RSRC1: variants seen among roughly 807,000 people sequenced by gnomAD.
RSRC1 encodes the protein arginine and serine rich coiled-coil 1.
RSRC1 carries 39 observed loss-of-function variants against 49.1 expected under a neutral mutation model. The ratio of observed to expected loss-of-function variants is 0.79; its 90% CI spans 0.61 to 1.04. The LOEUF (loss-of-function observed/expected upper bound fraction) is 1.04, where lower values mean the gene tolerates loss of function less well. RSRC1 is among the 50% of genes least tolerant of loss of function. The pLI is 0.00. For synonymous variants in RSRC1, 143 were observed against 130.8 expected (o/e 1.09, Z -0.63); for missense variants, 388 against 402.4 (o/e 0.96, Z 0.31).
At chr3:158,231,026 A>C (rs996953043) in intron 4 of RSRC1, among the ~76,000 whole-genome samples, 3 of 152,050 alleles carry the variant, frequency 2.0e-5, no homozygotes, top group African/African-American at 7.2e-5. Flanking sequence ...AGTCTCCTTT[A>C]GAAGCCTATT....
intron 4 of RSRC1, among the ~76,000 whole-genome samples, chr3:158,251,442 T>C (rs753709019): frequency 2.0e-5 from 3 of 152,176 alleles, no homozygotes; most frequent in Admixed American, 6.5e-5. Context: ...ATTTTTCCAA[T>C]CCATAAACAT....
intron 5 of RSRC1, among the ~76,000 whole-genome samples, chr3:158,352,041 G>GT (rs1188213852): frequency 6.6e-6 from 1 of 151,530 alleles, no homozygotes; most frequent in Non-Finnish European, 1.5e-5. Context: ...AGGCCTAGGT[G>GT]GGAGGATTGC....
intron 5 of RSRC1, among the ~76,000 whole-genome samples, chr3:158,351,273 A>G (rs1344127773): frequency 6.6e-6 from 1 of 152,204 alleles, no homozygotes; most frequent in Non-Finnish European, 1.5e-5. Context: ...CACTGAGAGG[A>G]AAAAGACGAC....
intron 6 of RSRC1, among the ~76,000 whole-genome samples, chr3:158,430,710 G>A (rs990652119): frequency 1.3e-5 from 2 of 151,838 alleles, no homozygotes; most frequent in Non-Finnish European, 2.9e-5. Flanking sequence ...ACTCTTTTCT[G>A]TACCACACTA....
intron 5 of RSRC1, among the ~76,000 whole-genome samples, chr3:158,328,772 G>A (rs1017342052): frequency 6.6e-6 from 1 of 152,128 alleles, no homozygotes; most frequent in African/African-American, 2.4e-5. Flanking sequence ...TCCTGAATTT[G>A]AATGTTGGCC....
In RSRC1 at chr3:158,527,676, A is replaced by C. The variant is rs143763202; in HGVS notation, c.653-9416A>C. On this transcript the variant is annotated intron_variant, in intron 7 of 9. Coordinates refer to ENST00000611884, the MANE Select transcript of RSRC1 (RefSeq NM_001271838.2). ...CCTTCTCATTGATTTTCAAGTTTCA[A>C]CACAATTTTTTAAAAATAAGGATTT... 3.9e-3 allele frequency among the ~76,000 whole-genome samples: 595 copies of C among 152,022 alleles called. 4 individuals carry two copies. Among genetic ancestry groups the C allele is most frequent in the African/African-American group, 0.013 (560 of 41,506 alleles).
At chr3:158,534,684 C>G (rs770224439) in intron 7 of RSRC1, among the ~76,000 whole-genome samples, 57 of 151,464 alleles carry the variant, frequency 3.8e-4, no homozygotes, top group Non-Finnish European at 1.3e-4. Context: ...ACTGTGAAAG[C>G]AGAAGACTAG....
At chr3:158,419,418 A>T (rs1437553353) in intron 6 of RSRC1, among the ~76,000 whole-genome samples, 1 of 151,946 alleles carries the variant, frequency 6.6e-6, no homozygotes, top group Non-Finnish European at 1.5e-5. Flanking sequence ...AATTGTCTTC[A>T]TTGTCATAGG....
chr3:158,199,474 G>A lies in RSRC1; in HGVS notation c.321-3598G>A, dbSNP rs1359207599. Among the ~76,000 whole-genome samples the A allele has an allele frequency of 2.6e-5, 4 of 151,936 alleles. No individual in the cohort carries two copies. In the East Asian group the frequency reaches 7.7e-4, roughly 29 times the overall value. The stretch of plus-strand genomic sequence containing the variant: ...CATTAATTTTATTGATATTCTCAGG[G>A]TACTAGATTTTGACTTTGTTAGTTT... On this transcript the variant is annotated intron_variant, in intron 3 of 9. Coordinates refer to ENST00000611884, the MANE Select transcript of RSRC1 (RefSeq NM_001271838.2).
At chr3:158,451,475 A>G (rs1192597424) in intron 6 of RSRC1, among the ~76,000 whole-genome samples, 1 of 151,974 alleles carries the variant, frequency 6.6e-6, no homozygotes, top group Non-Finnish European at 1.5e-5. Flanking sequence ...GACACTTATT[A>G]TTGCTCTTTT....
intron 4 of RSRC1, among the ~76,000 whole-genome samples, chr3:158,226,860 G>A (rs1298989670): frequency 2.0e-5 from 3 of 151,882 alleles, no homozygotes; most frequent in African/African-American, 7.3e-5. Flanking sequence ...ATGTTGAAAT[G>A]TATATGTTAG....
At chr3:158,159,450 A>G (rs986185305) in intron 3 of RSRC1, among the ~76,000 whole-genome samples, 2 of 152,172 alleles carry the variant, frequency 1.3e-5, no homozygotes, top group African/African-American at 2.4e-5. Flanking sequence ...ATGCTTTCAC[A>G]TGCATTTTTT....
chr3:158,411,068 G>T (rs1447428082), intron 6 of RSRC1, among the ~76,000 whole-genome samples: 1 of 151,962 alleles, frequency 6.6e-6, no homozygotes, highest in Non-Finnish European at 1.5e-5. Flanking sequence ...GCATTCTCTG[G>T]GTGTTCTGTT....
At chr3:158,132,983 C>T (rs750765077) in intron 3 of RSRC1, among the ~76,000 whole-genome samples, 1 of 152,012 alleles carries the variant, frequency 6.6e-6, no homozygotes, top group Non-Finnish European at 1.5e-5. Context: ...AGTTCGACTT[C>T]TGGAATAAAC....
At chr3:158,431,479 A>T (rs1735768945) in intron 6 of RSRC1, among the ~76,000 whole-genome samples, 1 of 151,920 alleles carries the variant, frequency 6.6e-6, no homozygotes, top group Admixed American at 6.6e-5. Context: ...GCCTATTTTT[A>T]AAATTAGACT....
chr3:158,357,231 T>A (rs1731208196), intron 6 of RSRC1, among the ~76,000 whole-genome samples: 1 of 152,182 alleles, frequency 6.6e-6, no homozygotes, highest in Non-Finnish European at 1.5e-5. Flanking sequence ...GGGGGATTTG[T>A]TACTATAGAA....
chr3:158,429,250 A>T (rs1399391440), intron 6 of RSRC1, among the ~76,000 whole-genome samples: 3 of 151,716 alleles, frequency 2.0e-5, no homozygotes. Flanking sequence ...TGATATACAC[A>T]TTAGGGCATT....
At chr3:158,269,687 AT>A (rs1725396307) in intron 4 of RSRC1, among the ~76,000 whole-genome samples, 1 of 151,878 alleles carries the variant, frequency 6.6e-6, no homozygotes, top group Non-Finnish European at 1.5e-5. Flanking sequence ...TAATTTTTGT[AT>A]TTTTAGTAGA....
At chr3:158,474,361 A>C (rs983299337) in intron 7 of RSRC1, among the ~76,000 whole-genome samples, 1 of 152,244 alleles carries the variant, frequency 6.6e-6, no homozygotes, top group African/African-American at 2.4e-5. Flanking sequence ...AGTTGAATAC[A>C]TACTTCATTG....
Sources: allele counts gnomAD v4.1 joint callset (sites outside exome capture counted in the v4.1 genomes callset), GRCh38; gene constraint gnomAD v4.1.1; transcripts MANE v1.5; gene names NCBI Gene and HGNC (gene_info 2026-07-23, HGNC 2026-07-21).